Variants in RALYL observed in about 807,000 individuals in gnomAD.
RALYL encodes the protein RALY RNA binding protein like, also known as RNA-binding Raly-like protein.
In RALYL, 29 loss-of-function variants were observed where a neutral mutation model predicts 35.1. That is an observed-to-expected ratio of 0.83 (90% CI 0.61 to 1.13). RALYL has a LOEUF of 1.13. RALYL is among the 50% of genes most tolerant of loss of function. The pLI is 0.00. For synonymous variants in RALYL, 120 were observed against 127.6 expected (o/e 0.94, Z 0.40); for missense variants, 359 against 360.4 (o/e 1.00, Z 0.03).
intron 4 of RALYL, among the ~76,000 whole-genome samples, chr8:84,818,906 A>T (rs75009791): frequency 6.6e-6 from 1 of 152,306 alleles, no homozygotes; most frequent in Non-Finnish European, 1.5e-5. Flanking sequence ...TGATGGGATC[A>T]TGGTGACAGC....
At chr8:84,663,623 G>A (rs974738451) in intron 2 of RALYL, among the ~76,000 whole-genome samples, 4 of 152,040 alleles carry the variant, frequency 2.6e-5, no homozygotes, top group Non-Finnish European at 5.9e-5. Context: ...GTCTTCTTTT[G>A]AGAAGTGTCT....
At chr8:84,521,931 AT>A in intron 1 of RALYL, among the ~76,000 whole-genome samples, 1 of 152,290 alleles carries the variant, frequency 6.6e-6, no homozygotes, top group East Asian at 1.9e-4. Context: ...AGTCTCTCCT[AT>A]TAAGATATCT....
rs367846158 is a variant in RALYL, at chr8:84,713,221, T to C, written c.257-61358T>C. Among the ~76,000 whole-genome samples the C allele has an allele frequency of 7.4e-4, 112 of 152,152 alleles. No homozygotes were observed. In the East Asian group the frequency reaches 0.014, roughly 19 times the overall value. On this transcript the variant is annotated intron_variant, in intron 2 of 8. Transcript: ENST00000521268. ...TTTATTGAAGAGACTATACTTTCCCTATTATATGTTCTTGGCACTTTGGTA... is the reference window on the plus strand; with the variant it reads ...TTTATTGAAGAGACTATACTTTCCCCATTATATGTTCTTGGCACTTTGGTA...
intron 1 of RALYL, among the ~76,000 whole-genome samples, chr8:84,418,092 T>C (rs1935886049): frequency 6.6e-6 from 1 of 152,154 alleles, no homozygotes; most frequent in Non-Finnish European, 1.5e-5. Context: ...TTGACCTCTT[T>C]ATATTCTGAT....
intron 2 of RALYL, among the ~76,000 whole-genome samples, chr8:84,648,865 C>T (rs1367509334): frequency 1.3e-5 from 2 of 151,460 alleles, no homozygotes; most frequent in Admixed American, 1.3e-4. Flanking sequence ...ACAGGGAACA[C>T]ATGGTGGTTC....
chr8:84,595,556 T>C (rs1273247052), intron 2 of RALYL, among the ~76,000 whole-genome samples: 1 of 152,116 alleles, frequency 6.6e-6, no homozygotes, highest in Non-Finnish European at 1.5e-5. Flanking sequence ...CCACCTTTAG[T>C]TTTTAAAAGT....
At chr8:84,676,487 G>A (rs1834221684) in intron 2 of RALYL, among the ~76,000 whole-genome samples, 1 of 152,066 alleles carries the variant, frequency 6.6e-6, no homozygotes, top group African/African-American at 2.4e-5. Flanking sequence ...CAAATCCCTT[G>A]TCCCAGTTAG....
intron 1 of RALYL, among the ~76,000 whole-genome samples, chr8:84,380,314 A>G (rs926031181): frequency 3.3e-5 from 5 of 151,884 alleles, no homozygotes; most frequent in Admixed American, 2.0e-4. Context: ...AATATATAAT[A>G]GGCATAATAT....
chr8:84,240,627 T>A (rs1011193294), intron 1 of RALYL, among the ~76,000 whole-genome samples: 2 of 152,198 alleles, frequency 1.3e-5, no homozygotes, highest in African/African-American at 4.8e-5. Context: ...GGGGTCTTTA[T>A]ACTTCAGCAT....
At chr8:84,345,261 C>T (rs1383253014) in intron 1 of RALYL, among the ~76,000 whole-genome samples, 2 of 151,904 alleles carry the variant, frequency 1.3e-5, no homozygotes, top group East Asian at 3.9e-4. Context: ...AGAAAGTCAC[C>T]AACTATAGCC....
At chr8:84,653,381 C>T (rs940243136) in intron 2 of RALYL, among the ~76,000 whole-genome samples, 6 of 152,026 alleles carry the variant, frequency 3.9e-5, no homozygotes, top group South Asian at 2.1e-4. Flanking sequence ...ATGCAATGCA[C>T]GTACACACAC....
At chr8:84,672,428 G>C (rs1833445739) in intron 2 of RALYL, among the ~76,000 whole-genome samples, 1 of 152,126 alleles carries the variant, frequency 6.6e-6, no homozygotes, top group South Asian at 2.1e-4. Context: ...TCCTCCAACT[G>C]TTCCAACCTC....
intron 2 of RALYL, among the ~76,000 whole-genome samples, chr8:84,575,927 G>T (rs1809294857): frequency 6.9e-6 from 1 of 144,792 alleles, no homozygotes; most frequent in African/African-American, 2.6e-5. Context: ...AGGAGTTAGA[G>T]ACCAGGCCTG....
intron 2 of RALYL, among the ~76,000 whole-genome samples, chr8:84,690,961 C>G (rs1265507703): frequency 2.6e-5 from 4 of 151,976 alleles, no homozygotes; most frequent in Non-Finnish European, 1.5e-5. Context: ...AATGACATAA[C>G]TACTTTCAAA....
At chr8:84,592,687 C>G (rs1467646785) in intron 2 of RALYL, among the ~76,000 whole-genome samples, 1 of 152,004 alleles carries the variant, frequency 6.6e-6, no homozygotes, top group Non-Finnish European at 1.5e-5. Context: ...GTACATGGAA[C>G]AGAGGAAATA....
intron 8 of RALYL, among the ~76,000 whole-genome samples, chr8:84,888,546 G>C (rs562614664): frequency 6.6e-6 from 1 of 152,188 alleles, no homozygotes; most frequent in South Asian, 2.1e-4. Flanking sequence ...AATATCTATG[G>C]ACTGATCATG....
In RALYL at chr8:84,888,538, T is replaced by C. The variant is rs185810177; in HGVS notation, c.858+762T>C. ...GGTATATATGTCGCCAACTTCCAAA[T>C]ATCTATGGACTGATCATGTTAAATT... On this transcript the variant is annotated intron_variant, in intron 8 of 8. Coordinates refer to ENST00000521268, the MANE Select transcript of RALYL (RefSeq NM_173848.7). Among the ~76,000 whole-genome samples, 5 of 152,288 alleles carry C rather than the reference T, an allele frequency of 3.3e-5. No individual in the cohort carries two copies. The East Asian group carries it at 9.7e-4, about 29-fold the overall frequency.
At chr8:84,228,029 T>G (rs1298527786) in intron 1 of RALYL, among the ~76,000 whole-genome samples, 1 of 152,024 alleles carries the variant, frequency 6.6e-6, no homozygotes, top group African/African-American at 2.4e-5. Context: ...ATGAGATAAG[T>G]GCTTCAATAA....
intron 2 of RALYL, among the ~76,000 whole-genome samples, chr8:84,677,274 A>G (rs1019007714): frequency 2.0e-5 from 3 of 152,334 alleles, no homozygotes; most frequent in African/African-American, 7.2e-5. Context: ...TATTAAATAG[A>G]CCAATAAAAA....
Sources: allele counts gnomAD v4.1 joint callset (sites outside exome capture counted in the v4.1 genomes callset), GRCh38; gene constraint gnomAD v4.1.1; transcripts MANE v1.5; gene names NCBI Gene and HGNC (gene_info 2026-07-23, HGNC 2026-07-21).